ZIM3: variants seen among roughly 807,000 people sequenced by gnomAD.
ZIM3 encodes zinc finger imprinted 3.
In ZIM3, 11 loss-of-function variants were observed where a neutral mutation model predicts 12.9. The ratio of observed to expected loss-of-function variants is 0.85; its 90% CI spans 0.54 to 1.41. The LOEUF is 1.41. Ranked by LOEUF, ZIM3 falls within the 40% of genes most tolerant of loss-of-function variation. The probability of loss-of-function intolerance (pLI) is 0.00; values close to 1 mark genes in which losing one functional copy is unlikely to be tolerated. For missense variants in ZIM3, 604 were observed against 557.2 expected, an observed-to-expected ratio of 1.08 and a Z score of -0.85; for synonymous variants, 205 against 198.5, an observed-to-expected ratio of 1.03 and a Z score of -0.28.
At chr19:57,138,692 A>G in intron 2 of ZIM3, 94 bp from the exon 3 acceptor site, 2 of 1,465,282 alleles carry the variant, frequency 1.4e-6, no homozygotes, top group Non-Finnish European at 1.9e-6. Context: ...AGCTTTAATC[A>G]TGTCCATAAT....
chr19:57,140,159 TTTTG>T (rs2086907315), intron 2 of ZIM3, among the ~76,000 whole-genome samples: 1 of 152,126 alleles, frequency 6.6e-6, no homozygotes, highest in Non-Finnish European at 1.5e-5. Context: ...TTTTTTAAAA[TTTTG>T]TTTATTTATT....
chr19:57,144,744 A>G (rs982520778), intron 1 of ZIM3, 115 bp downstream of exon 1: 3 of 152,210 alleles, frequency 2.0e-5, no homozygotes, highest in African/African-American at 7.2e-5. Context: ...TAAAATATTT[A>G]GCTTATTCCA....
At chr19:57,144,055 T>C (rs2086926743) in intron 1 of ZIM3, among the ~76,000 whole-genome samples, 1 of 151,906 alleles carries the variant, frequency 6.6e-6, no homozygotes, top group Admixed American at 6.6e-5. Flanking sequence ...TTTTTATTTT[T>C]TATTTTATTT....
chr19:57,143,027 C>A (rs945586882), intron 1 of ZIM3, among the ~76,000 whole-genome samples: 6 of 151,916 alleles, frequency 3.9e-5, no homozygotes, highest in Admixed American at 3.9e-4. Context: ...AACCCCGTCT[C>A]TACTAAAAAT....
chr19:57,143,320 G>A (rs1394229593), intron 1 of ZIM3, among the ~76,000 whole-genome samples: 5 of 146,186 alleles, frequency 3.4e-5, no homozygotes, highest in African/African-American at 1.3e-4. Context: ...GACAGAGCGA[G>A]ACTCCGTCCC....
rs572231516 is a variant in ZIM3 at position 57,144,121 on chromosome 19, G to A, written c.-43+738C>T. On this transcript the variant is annotated intron_variant, in intron 1 of 4. Transcript: ENST00000269834. ...GGCTGGAGTGCAGTGATGTGATCCC[G>A]GCTCACAGCAGTTTAAAAATCCCTG... Among the ~76,000 whole-genome samples, 7 of 152,150 alleles carry A rather than the reference G, an allele frequency of 4.6e-5. No homozygotes were observed. The South Asian group carries it at 8.3e-4, about 18-fold the overall frequency.
chr19:57,135,685 C>A lies in ZIM3; in HGVS notation c.652G>T (p.Ala218Ser), dbSNP rs531319362. Residue 218 changes from alanine to serine, a missense_variant, in exon 5 of 5, where the codon GCA becomes TCA. Ala to Ser is a moderately conservative substitution (Grantham distance 99, BLOSUM62 1). Coordinates refer to ENST00000269834, the MANE Select transcript of ZIM3 (RefSeq NM_052882.1). ...WKLDKHQKTH[A>S]EERPYKCENC... is the part of the protein sequence containing the mutation. ...TCACATTTATAGGGCCTTTCCTCTGCGTGAGTTTTCTGATGTTTATCAAGC... is the reference window on the plus strand; with the variant it reads ...TCACATTTATAGGGCCTTTCCTCTGAGTGAGTTTTCTGATGTTTATCAAGC... 12 of 1,613,654 alleles carry A rather than the reference C, an allele frequency of 7.4e-6. 1 individual carries two copies. Among genetic ancestry groups the A allele is most frequent in the Middle Eastern group, 1.6e-4 (1 of 6,062 alleles).
At chr19:57,138,377 G>A (rs2086899358) in intron 3 of ZIM3, 95 bp downstream of exon 3, 3 of 1,559,888 alleles carry the variant, frequency 1.9e-6, no homozygotes, top group African/African-American at 2.7e-5. Context: ...GAAGTGAGGA[G>A]CACCTCTGTG....
intron 1 of ZIM3, among the ~76,000 whole-genome samples, chr19:57,144,328 G>A (rs752737424): frequency 2.6e-5 from 4 of 152,112 alleles, no homozygotes; most frequent in Non-Finnish European, 4.4e-5. Flanking sequence ...GGGATTACAT[G>A]CATGAGCCAC....
Position 57,143,675 on chromosome 19 carries a change from C to CTTTT in ZIM3, c.-42-994_-42-991dup, listed in dbSNP as rs71186226. Among the ~76,000 whole-genome samples the CTTTT allele has an allele frequency of 9.2e-3, 1,272 of 138,948 alleles. 27 individuals carry two copies. The highest frequency in any genetic ancestry group is 0.032 in the African/African-American group (1,201 of 37,358). The allele number at this position is 138,948 out of a possible 152,430, so 91.2% of individuals were successfully genotyped here. A position where few individuals can be genotyped will look rare whatever the true frequency, so the allele number is the denominator to read the frequency against. ...GAGGATCAGTTGAGCCCAGGAGTTA[C>CTTTT]TTTTTTTTTTTTTTTTTTAAGACCA... On this transcript the variant is annotated intron_variant, in intron 1 of 4. Coordinates refer to ENST00000269834, the MANE Select transcript of ZIM3 (RefSeq NM_052882.1).
In ZIM3 at chr19:57,135,037, G is replaced by A. The variant is rs1387206012; in HGVS notation, c.1300C>T (p.Leu434Phe). 7 of 1,614,058 alleles carry A rather than the reference G, an allele frequency of 4.3e-6. No homozygotes were observed. The Admixed American group carries it at 1.2e-4, about 27-fold the overall frequency. Residue 434 changes from leucine to phenylalanine, a missense_variant, in exon 5 of 5, where the codon CTT (leucine) becomes TTT (phenylalanine). Physicochemically the swap from Leu to Phe is conservative, Grantham distance 22 (BLOSUM62 0). Coordinates refer to ENST00000269834, the MANE Select transcript of ZIM3 (RefSeq NM_052882.1). Reference protein sequence around the residue: ...CGKTFIRKLNLSLHKKTHTGQ... With the variant: ...CGKTFIRKLNFSLHKKTHTGQ... ...GTATGGGTTTTTTTATGCAAACTAA[G>A]GTTTAATTTCCGGATGAAGGTTTTT...
chr19:57,135,723 C>G lies in ZIM3; in HGVS notation c.614G>C (p.Gly205Ala), dbSNP rs760090714. The G allele has an allele frequency of 1.2e-6, 2 of 1,613,764 alleles. No homozygotes were observed. The highest frequency in any genetic ancestry group is 1.1e-5 in the South Asian group (1 of 91,072). ...FECHSCGRAF[G>A]EKWKLDKHQK... is the part of the protein sequence containing the mutation. Reference sequence around the variant, plus strand: ...ATGTTTATCAAGCTTCCACTTCTCCCCGAATGCTCTTCCACAGCTATGACA... The same window carrying G: ...ATGTTTATCAAGCTTCCACTTCTCCGCGAATGCTCTTCCACAGCTATGACA... Residue 205 changes from glycine (G) to alanine (A), a missense_variant, in exon 5 of 5, where the codon GGG becomes GCG. Transcript: ENST00000269834.
chr19:57,135,318 C>T lies in ZIM3; in HGVS notation c.1019G>A (p.Cys340Tyr). 6 of 1,614,150 alleles carry T rather than the reference C, an allele frequency of 3.7e-6. No homozygotes were observed. Among genetic ancestry groups the T allele is most frequent in the Non-Finnish European group, 5.1e-6 (6 of 1,180,028 alleles). ...GGATTTCTGGGAAAAGGCCTTCTCA[C>T]ATATGCTACATTTATAGGGTTTCTC... ...TGEKPYKCSI[C>Y]EKAFSQKSNV... The change falls in exon 5 of 5, where the codon TGT becomes TAT. Residue 340 changes from cysteine to tyrosine, a missense_variant. Cys to Tyr is a radical substitution (Grantham distance 194). Coordinates refer to ENST00000269834, the MANE Select transcript of ZIM3 (RefSeq NM_052882.1).
At position 57,135,670 on chromosome 19, in the gene ZIM3, AG is replaced by A; in HGVS notation, c.666del (p.Tyr223IlefsTer101). On this transcript the variant is annotated frameshift_variant, in exon 5 of 5. Coordinates refer to ENST00000269834, the MANE Select transcript of ZIM3 (RefSeq NM_052882.1). LOFTEE classifies it low-confidence loss of function (END_TRUNC). Reference sequence around the variant, plus strand: ...GCATTTCCACAGTTCTCACATTTATAGGGCCTTTCCTCTGCGTGAGTTTTCT... The same window carrying A: ...GCATTTCCACAGTTCTCACATTTATAGGCCTTTCCTCTGCGTGAGTTTTCT... ...KHQKTHAEER[P>X]YKCENCGNAY... 1 of 1,613,210 alleles carries A rather than the reference AG, an allele frequency of 6.2e-7. No individual in the cohort carries two copies. The highest frequency in any genetic ancestry group is 8.5e-7 in the Non-Finnish European group (1 of 1,179,454).
intron 2 of ZIM3, 60 bp from the exon 3 acceptor site, chr19:57,138,658 C>T: frequency 6.3e-7 from 1 of 1,587,040 alleles, no homozygotes; most frequent in East Asian, 2.3e-5. Context: ...GCTGAGGATA[C>T]AGAAACTTGT....
chr19:57,137,579 G>T (rs1279234854), intron 3 of ZIM3, among the ~76,000 whole-genome samples: 1 of 151,926 alleles, frequency 6.6e-6, no homozygotes, highest in Admixed American at 6.6e-5. Flanking sequence ...CAGGCATGGT[G>T]GTGCACGTCT....
chr19:57,139,156 A>G (rs1215873992), intron 2 of ZIM3, among the ~76,000 whole-genome samples: 2 of 151,744 alleles, frequency 1.3e-5, no homozygotes, highest in East Asian at 3.9e-4. Flanking sequence ...AAGAAACCCC[A>G]TCTCTACTAA....
intron 1 of ZIM3, among the ~76,000 whole-genome samples, chr19:57,143,214 C>T (rs918150248): frequency 1.2e-4 from 18 of 151,938 alleles, no homozygotes; most frequent in Non-Finnish European, 1.9e-4. Context: ...GCCTGTAGTC[C>T]CAGCTACTCG....
In ZIM3 at chr19:57,135,115, T is replaced by C. The variant is rs1426786529; in HGVS notation, c.1222A>G (p.Ser408Gly). ...TCTCCGCTATGAGTTTTCTGATGGC[T>C]ATGAAGGTTTGACTTCTGAAAGAAG... is the stretch of plus-strand genomic sequence containing the variant. ...KAFFQKSNLH[S>G]HQKTHSGERT... The change falls in exon 5 of 5, where the codon AGC (serine) becomes GGC (glycine). Residue 408 changes from serine (S) to glycine (G), a missense_variant. Transcript: ENST00000269834. 6.2e-7 allele frequency: 1 copy of C among 1,614,244 alleles called. No homozygotes were observed. Among genetic ancestry groups the C allele is most frequent in the East Asian group, 2.2e-5 (1 of 44,888 alleles).
Sources: allele counts gnomAD v4.1 joint callset (sites outside exome capture counted in the v4.1 genomes callset), GRCh38; gene constraint gnomAD v4.1.1; transcripts MANE v1.5; gene names NCBI Gene and HGNC (gene_info 2026-07-23, HGNC 2026-07-21).